The following DNAL1 variants were observed in gnomAD, a reference collection of about 807,000 sequenced individuals.
The protein encoded by DNAL1 is dynein axonemal light chain 1, also known as chromosome 14 open reading frame 168.
Under a neutral mutation model 29.4 loss-of-function variants are expected in DNAL1, and 17 were observed. The ratio of observed to expected loss-of-function variants is 0.58; its 90% CI spans 0.40 to 0.87. The LOEUF is 0.87. Among genes scored for constraint, DNAL1 ranks in the 40% least tolerant of loss-of-function variants. The pLI, the probability that DNAL1 is intolerant of heterozygous loss-of-function variation, is 0.00. For synonymous variants in DNAL1, 78 were observed against 76.3 expected (o/e 1.02, Z -0.12); for missense variants, 188 against 214.1 (o/e 0.88, Z 0.76).
Position 73,689,397 on chromosome 14 carries a change from A to T in DNAL1, c.414A>T (p.Glu138Asp). ...TAGCTGAGTTTGTGAAGCTGGCAGAACTGCCATGCCTCGAAGACCTGGTGT... is the reference window on the plus strand; with the variant it reads ...TAGCTGAGTTTGTGAAGCTGGCAGATCTGCCATGCCTCGAAGACCTGGTGT... Reference protein sequence around the residue: ...KDWAEFVKLAELPCLEDLVFV... With the variant: ...KDWAEFVKLADLPCLEDLVFV... Residue 138 changes from glutamate (E) to aspartate (D), a missense_variant, in exon 7 of 8, where the codon GAA becomes GAT. Physicochemically the swap from Glu to Asp is conservative, Grantham distance 45. Coordinates refer to ENST00000553645, the MANE Select transcript of DNAL1 (RefSeq NM_031427.4). 1 of 1,553,064 alleles carries T rather than the reference A, an allele frequency of 6.4e-7. No homozygotes were observed. The highest frequency in any genetic ancestry group is 8.7e-7 in the Non-Finnish European group (1 of 1,147,604).
intron 5 of DNAL1, among the ~76,000 whole-genome samples, chr14:73,675,165 AC>A (rs1330718415): frequency 2.0e-5 from 3 of 151,072 alleles, no homozygotes; most frequent in African/African-American, 7.3e-5. Context: ...ACTCATTATT[AC>A]CTGAAATTCT....
chr14:73,689,072 C>T (rs540276695), intron 6 of DNAL1, among the ~76,000 whole-genome samples: 274 of 124,894 alleles, frequency 2.2e-3, no homozygotes, highest in East Asian at 3.0e-3. Context: ...CGTGCTCTGT[C>T]GCTCAGTCTG....
chr14:73,687,106 A>G (rs183004073), intron 5 of DNAL1, among the ~76,000 whole-genome samples, 153 bp from the exon 6 acceptor site: 128 of 151,246 alleles, frequency 8.5e-4, no homozygotes, highest in Middle Eastern at 3.4e-3. Flanking sequence ...CTCAATGAGA[A>G]AAAAAAAACC....
chr14:73,668,227 C>T (rs1891533903), intron 4 of DNAL1, among the ~76,000 whole-genome samples: 2 of 148,440 alleles, frequency 1.3e-5, no homozygotes, highest in Non-Finnish European at 3.0e-5. Flanking sequence ...ATCTAATATA[C>T]TTACTTATTT....
At position 73,645,045 on chromosome 14, in the gene DNAL1, G is replaced by T. The variant is rs1384828370; in HGVS notation, c.3+3G>T. On this transcript the variant is annotated splice_donor_region_variant and intron_variant, in intron 1 of 7. Coordinates refer to ENST00000553645, the MANE Select transcript of DNAL1 (RefSeq NM_031427.4). ...TGACAGTAGCAACCGCCGGAATGGTGAGTACCTTTCGGGCCGCGTAGCCAA... is the reference window on the plus strand; with the variant it reads ...TGACAGTAGCAACCGCCGGAATGGTTAGTACCTTTCGGGCCGCGTAGCCAA... 2.5e-6 allele frequency: 4 copies of T among 1,609,176 alleles called. No homozygotes were observed. The highest frequency in any genetic ancestry group is 3.4e-6 in the Non-Finnish European group (4 of 1,178,200).
chr14:73,681,098 GTTGTTGTTAT>G (rs917794881), intron 5 of DNAL1, among the ~76,000 whole-genome samples: 2 of 150,820 alleles, frequency 1.3e-5, no homozygotes, highest in African/African-American at 4.9e-5. Flanking sequence ...ATTTTTTGTT[GTTGTTGTTAT>G]TTGTTGTTGT....
rs919137888 is a variant in DNAL1, at chr14:73,703,316, A to C, written c.*7374A>C. 6.6e-6 allele frequency: 1 copy of C among 152,210 alleles called. No individual in the cohort carries two copies. Among genetic ancestry groups the C allele is most frequent in the Non-Finnish European group, 1.5e-5 (1 of 68,040 alleles). 9.4% of individuals were successfully genotyped at this position (152,210 alleles called of 1,614,324 possible). A position where few individuals can be genotyped will look rare whatever the true frequency, so the allele number is the denominator to read the frequency against. On this transcript the variant is annotated 3_prime_UTR_variant, in exon 8 of 8. Coordinates refer to ENST00000553645, the MANE Select transcript of DNAL1 (RefSeq NM_031427.4). ...ACATACAATTGTTATATATAATTAA[A>C]AGTCAGAATCTTAGGTGATAACTGT...
At chr14:73,665,519 G>A (rs183969397) in intron 4 of DNAL1, among the ~76,000 whole-genome samples, 46 of 152,148 alleles carry the variant, frequency 3.0e-4, no homozygotes, top group African/African-American at 7.5e-4. Context: ...GGCTGGGCAC[G>A]GTGGCTCACA....
intron 5 of DNAL1, among the ~76,000 whole-genome samples, chr14:73,679,311 A>G (rs1269520663): frequency 1.3e-5 from 2 of 152,020 alleles, no homozygotes; most frequent in African/African-American, 4.8e-5. Flanking sequence ...TTGTTTTTAT[A>G]CTTGTTGGTT....
chr14:73,691,276 G>A (rs1352005230), intron 7 of DNAL1, among the ~76,000 whole-genome samples: 3 of 152,180 alleles, frequency 2.0e-5, no homozygotes, highest in Non-Finnish European at 4.4e-5. Flanking sequence ...TTAGCTGGGT[G>A]TGGTGGCTCA....
chr14:73,649,743 C>A (rs901425733), intron 1 of DNAL1, among the ~76,000 whole-genome samples: 5 of 152,074 alleles, frequency 3.3e-5, no homozygotes, highest in African/African-American at 7.2e-5. Flanking sequence ...TTGTTACCTT[C>A]TAATATACTA....
chr14:73,659,246 A>C lies in DNAL1; in HGVS notation c.152+290A>C, dbSNP rs544693901. Among the ~76,000 whole-genome samples the C allele has an allele frequency of 2.0e-5, 3 of 148,926 alleles. No homozygotes were observed. The South Asian group carries it at 6.3e-4, about 31-fold the overall frequency. ...GCATGATCTCGGCTCACTGCAACCT[A>C]CGCCTCCCGGGTTCGAGCAGTTCTC... On this transcript the variant is annotated intron_variant, in intron 3 of 7. Transcript: ENST00000553645.
Position 73,684,389 on chromosome 14 carries a change from A to T in DNAL1, c.265-2870A>T, listed in dbSNP as rs962406657. 2.0e-5 allele frequency among the ~76,000 whole-genome samples: 3 copies of T among 152,202 alleles called. No homozygotes were observed. The East Asian group carries it at 5.8e-4, about 29-fold the overall frequency. ...GTAATTTATAGTTTTTGTTGCTATG[A>T]TGCATTTCTCTTTAACACCCTTCCT... On this transcript the variant is annotated intron_variant, in intron 5 of 7. Coordinates refer to ENST00000553645, the MANE Select transcript of DNAL1 (RefSeq NM_031427.4).
At chr14:73,672,158 G>C (rs1047953899) in intron 5 of DNAL1, among the ~76,000 whole-genome samples, 10 of 152,178 alleles carry the variant, frequency 6.6e-5, no homozygotes, top group African/African-American at 2.2e-4. Context: ...GCCCAGTACA[G>C]AAACAGTGGT....
At chr14:73,679,156 C>G (rs983036958) in intron 5 of DNAL1, among the ~76,000 whole-genome samples, 1 of 152,012 alleles carries the variant, frequency 6.6e-6, no homozygotes, top group African/African-American at 2.4e-5. Flanking sequence ...GCCACCACAC[C>G]CGGCTAATTT....
At chr14:73,682,480 C>T (rs1385152010) in intron 5 of DNAL1, among the ~76,000 whole-genome samples, 10 of 151,396 alleles carry the variant, frequency 6.6e-5, no homozygotes, top group Non-Finnish European at 5.9e-5. Context: ...TGAGCCACTG[C>T]GCCCGGCCAA....
At chr14:73,686,135 A>G (rs1892014965) in intron 5 of DNAL1, among the ~76,000 whole-genome samples, 1 of 152,152 alleles carries the variant, frequency 6.6e-6, no homozygotes, top group African/African-American at 2.4e-5. Flanking sequence ...GATAGTAGCT[A>G]TCCTAATGGG....
chr14:73,684,937 A>T (rs1341196457), intron 5 of DNAL1, among the ~76,000 whole-genome samples: 3 of 152,156 alleles, frequency 2.0e-5, no homozygotes, highest in Non-Finnish European at 4.4e-5. Context: ...ATGGCATTTC[A>T]TAAAGCTCTC....
chr14:73,647,662 T>C (rs942379579), intron 1 of DNAL1, among the ~76,000 whole-genome samples: 6 of 152,212 alleles, frequency 3.9e-5, no homozygotes, highest in Non-Finnish European at 8.8e-5. Context: ...TACTTATTAG[T>C]TAAGTCCATG....
Sources: gnomAD v4.1 joint callset for allele counts (sites outside exome capture counted in the v4.1 genomes callset) on GRCh38, gnomAD v4.1.1 for gene constraint, MANE v1.5 for transcripts, NCBI Gene and HGNC (gene_info 2026-07-23, HGNC 2026-07-21) for gene names.